The following PDE3A variants were observed in gnomAD, a reference collection of about 807,000 sequenced individuals.
The protein encoded by PDE3A is cGMP-inhibited 3',5'-cyclic phosphodiesterase 3A.
In PDE3A, 43 loss-of-function variants were observed where a neutral mutation model predicts 98.3. The ratio of observed to expected loss-of-function variants is 0.44; its 90% CI spans 0.34 to 0.56. PDE3A has a LOEUF of 0.56. Ranked by LOEUF, PDE3A falls within the 20% of genes least tolerant of loss-of-function variation. The pLI is 0.01. For synonymous variants in PDE3A, 663 were observed against 567.9 expected (o/e 1.17, Z -2.38); for missense variants, 1,427 against 1,440.7 (o/e 0.99, Z 0.15).
At chr12:20,575,987 ACT>A (rs1942922350) in intron 2 of PDE3A, among the ~76,000 whole-genome samples, 1 of 151,982 alleles carries the variant, frequency 6.6e-6, no homozygotes, top group South Asian at 2.1e-4. Context: ...CTTAATTTGA[ACT>A]TTTTAAAAAA....
At position 20,687,063 on chromosome 12, in the gene PDE3A, TG is replaced by T. The variant is rs544552399; in HGVS notation, c.*6793del. Among the ~76,000 whole-genome samples the T allele has an allele frequency of 1.9e-4, 29 of 152,264 alleles. No individual in the cohort carries two copies. The highest frequency in any genetic ancestry group is 7.0e-4 in the African/African-American group (29 of 41,570). ...TTGAATTAGTTTGAAAACTGCTACTTGAATAACTTTTGAAGAGAAAGATTTT... is the reference window on the plus strand; with the variant it reads ...TTGAATTAGTTTGAAAACTGCTACTTAATAACTTTTGAAGAGAAAGATTTT... On this transcript the variant is annotated 3_prime_UTR_variant, in exon 16 of 16. Transcript: ENST00000359062.
chr12:20,661,217 C>T lies in PDE3A; in HGVS notation c.3184+7012C>T, dbSNP rs552011057. ...CTTTGAACTTCAGAGAGATGATTTA[C>T]GGTATCTGGTGGGAGAAATTTCTAA... is the stretch of plus-strand genomic sequence containing the variant. On this transcript the variant is annotated intron_variant, in intron 15 of 15. Transcript: ENST00000359062. 5.9e-5 allele frequency among the ~76,000 whole-genome samples: 9 copies of T among 152,208 alleles called. No individual in the cohort carries two copies. The East Asian group carries it at 1.2e-3, about 20-fold the overall frequency.
chr12:20,453,457 G>A (rs1022644566), intron 1 of PDE3A, among the ~76,000 whole-genome samples: 5 of 152,176 alleles, frequency 3.3e-5, no homozygotes, highest in South Asian at 4.1e-4. Flanking sequence ...GGGATTACAG[G>A]CATTGAGCCA....
At chr12:20,494,870 C>T (rs1281240960) in intron 1 of PDE3A, among the ~76,000 whole-genome samples, 5 of 31,436 alleles carry the variant, frequency 1.6e-4, no homozygotes, top group Admixed American at 3.5e-4. Context: ...TAAACAATTC[C>T]GCAAAAAAAA....
intron 1 of PDE3A, among the ~76,000 whole-genome samples, chr12:20,390,210 G>A (rs1283957928): frequency 6.6e-6 from 1 of 151,862 alleles, no homozygotes; most frequent in African/African-American, 2.4e-5. Flanking sequence ...GGTGTGGAGA[G>A]GGGAGCAGGA....
chr12:20,485,925 T>C (rs1222551681), intron 1 of PDE3A, among the ~76,000 whole-genome samples: 2 of 152,224 alleles, frequency 1.3e-5, no homozygotes, highest in Non-Finnish European at 2.9e-5. Context: ...GTCTGTGGCC[T>C]GACCAACAAG....
At chr12:20,649,645 G>T (rs1005056038) in intron 13 of PDE3A, among the ~76,000 whole-genome samples, 3 of 152,098 alleles carry the variant, frequency 2.0e-5, no homozygotes, top group African/African-American at 7.2e-5. Context: ...TGATAATAAG[G>T]CCAAGCACAA....
intron 1 of PDE3A, among the ~76,000 whole-genome samples, chr12:20,502,068 T>C (rs1171534443): frequency 2.6e-5 from 4 of 152,176 alleles, no homozygotes; most frequent in Admixed American, 6.6e-5. Flanking sequence ...CAAAAGATAA[T>C]AATCACATAT....
At chr12:20,475,762 G>C (rs1233617368) in intron 1 of PDE3A, among the ~76,000 whole-genome samples, 1 of 152,062 alleles carries the variant, frequency 6.6e-6, no homozygotes, top group African/African-American at 2.4e-5. Flanking sequence ...GTAATGAACA[G>C]AGAAAATGCT....
At chr12:20,393,664 G>GA (rs1198464791) in intron 1 of PDE3A, among the ~76,000 whole-genome samples, 1 of 151,850 alleles carries the variant, frequency 6.6e-6, no homozygotes, top group Non-Finnish European at 1.5e-5. Flanking sequence ...AAACAAAACA[G>GA]AAAAAAAGCT....
At chr12:20,507,160 T>G (rs1398730660) in intron 1 of PDE3A, among the ~76,000 whole-genome samples, 1 of 152,002 alleles carries the variant, frequency 6.6e-6, no homozygotes, top group Non-Finnish European at 1.5e-5. Flanking sequence ...GTAAGCTACA[T>G]TTCTGTTTGT....
intron 1 of PDE3A, among the ~76,000 whole-genome samples, chr12:20,522,493 A>G (rs1170290442): frequency 6.6e-6 from 1 of 152,232 alleles, no homozygotes; most frequent in African/African-American, 2.4e-5. Context: ...TGAGTTTTAC[A>G]AAGAAAATAA....
At chr12:20,555,440 CTT>C (rs757641380) in intron 1 of PDE3A, among the ~76,000 whole-genome samples, 10 of 152,114 alleles carry the variant, frequency 6.6e-5, no homozygotes, top group Non-Finnish European at 1.5e-4. Context: ...ATAGTTTTAA[CTT>C]TGTGTTTGGT....
At chr12:20,551,869 C>A in intron 1 of PDE3A, 1 of 1,613,730 alleles carries the variant, frequency 6.2e-7, no homozygotes, top group Non-Finnish European at 8.5e-7. Flanking sequence ...TACCATCATC[C>A]CGTCCAACCA....
intron 14 of PDE3A, among the ~76,000 whole-genome samples, chr12:20,653,302 T>C (rs532413964): frequency 6.6e-6 from 1 of 152,112 alleles, no homozygotes; most frequent in South Asian, 2.1e-4. Context: ...TAAAGCTTTC[T>C]GGAAGCCAAA....
At chr12:20,372,851 T>A (rs1431205473) in intron 1 of PDE3A, among the ~76,000 whole-genome samples, 1 of 152,172 alleles carries the variant, frequency 6.6e-6, no homozygotes. Context: ...AGAATTTATT[T>A]GCACTTTGCT....
intron 1 of PDE3A, among the ~76,000 whole-genome samples, chr12:20,493,510 G>A (rs1354027493): frequency 1.3e-5 from 2 of 152,138 alleles, no homozygotes; most frequent in African/African-American, 4.8e-5. Context: ...GGGTCCTAGA[G>A]CAAATTCCCC....
At chr12:20,525,425 T>C (rs12304514) in intron 1 of PDE3A, among the ~76,000 whole-genome samples, 22,464 of 149,048 alleles carry the variant, frequency 0.15, 1,736 homozygotes, top group Non-Finnish European at 0.17. Context: ...ATGTTGTTGT[T>C]CCTTTTTCAA....
chr12:20,578,696 T>C (rs1942998197), intron 2 of PDE3A, among the ~76,000 whole-genome samples: 1 of 152,136 alleles, frequency 6.6e-6, no homozygotes, highest in Non-Finnish European at 1.5e-5. Flanking sequence ...TAGATCTGGT[T>C]CTGCTTCCTG....
Sources: allele counts gnomAD v4.1 joint callset (sites outside exome capture counted in the v4.1 genomes callset), GRCh38; gene constraint gnomAD v4.1.1; transcripts MANE v1.5; gene names NCBI Gene and HGNC (gene_info 2026-07-23, HGNC 2026-07-21).